CHST12: variants seen among roughly 807,000 people sequenced by gnomAD.
CHST12 encodes the protein carbohydrate (chondroitin 4) sulfotransferase 12.
Under a neutral mutation model 27.9 loss-of-function variants are expected in CHST12, and 23 were observed. That is an observed-to-expected ratio of 0.82 (90% CI 0.59 to 1.17). The LOEUF is 1.17. CHST12 is among the 50% of genes most tolerant of loss of function. The probability of loss-of-function intolerance (pLI) is 0.00; values close to 1 mark genes in which losing one functional copy is unlikely to be tolerated. For synonymous variants in CHST12, 322 were observed against 273.0 expected, an observed-to-expected ratio of 1.18 and a Z score of -1.77; for missense variants, 682 against 603.0, an observed-to-expected ratio of 1.13 and a Z score of -1.37.
intron 1 of CHST12, among the ~76,000 whole-genome samples, chr7:2,415,356 ACT>A (rs1366836972): frequency 1.4e-5 from 2 of 146,696 alleles, no homozygotes; most frequent in East Asian, 2.0e-4. Context: ...CAACAGCGAA[ACT>A]CTGCCTCAAA....
chr7:2,433,218 T>TGCGCCCTACCGCGACCCGCTGC lies in CHST12; in HGVS notation c.582_603dup (p.Ile202AlafsTer200). On this transcript the variant is annotated frameshift_variant, in exon 2 of 2. Coordinates refer to ENST00000618655, the MANE Select transcript of CHST12 (RefSeq NM_018641.5). LOFTEE classifies it high-confidence loss of function. This position sits in a 1 kb window ranked among gnomAD's most constrained non-coding sequence, Gnocchi z 6.1. ...TGAGCGGAAGCCTGCTGCACCGCGG[T>TGCGCCCTACCGCGACCCGCTGC]GCGCCCTACCGCGACCCGCTGCGCA... 1 of 1,612,496 alleles carries TGCGCCCTACCGCGACCCGCTGC rather than the reference T, an allele frequency of 6.2e-7. No homozygotes were observed. Among genetic ancestry groups the TGCGCCCTACCGCGACCCGCTGC allele is most frequent in the Non-Finnish European group, 8.5e-7 (1 of 1,179,442 alleles).
At position 2,436,704 on chromosome 7, in the gene CHST12, C is replaced by T. The variant is rs1217952026; in HGVS notation, c.*2820C>T. ...AGGATGTTCAGACGAATGTCAGAACCCACTGGGCGGTTCACTCACTGAGGG... is the reference window on the plus strand; with the variant it reads ...AGGATGTTCAGACGAATGTCAGAACTCACTGGGCGGTTCACTCACTGAGGG... On this transcript the variant is annotated 3_prime_UTR_variant, in exon 2 of 2. Coordinates refer to ENST00000618655, the MANE Select transcript of CHST12 (RefSeq NM_018641.5). The T allele has an allele frequency of 1.3e-5, 2 of 152,258 alleles. No individual in the cohort carries two copies. Among genetic ancestry groups the T allele is most frequent in the Non-Finnish European group, 2.9e-5 (2 of 68,062 alleles). 9.4% of individuals were successfully genotyped at this position (152,258 alleles called of 1,614,324 possible). A position where few individuals can be genotyped will look rare whatever the true frequency, so the allele number is the denominator to read the frequency against.
At position 2,416,858 on chromosome 7, in the gene CHST12, G is replaced by A. The variant is rs139093748; in HGVS notation, c.-78+13185G>A. 3.4e-4 allele frequency among the ~76,000 whole-genome samples: 52 copies of A among 152,272 alleles called. No homozygotes were observed. The East Asian group carries it at 9.8e-3, about 29-fold the overall frequency. The stretch of plus-strand genomic sequence containing the variant: ...CTACATTTTACATGTGAAAAGAAGG[G>A]AGTGGGGCAGAGTCACATACGCCTT... On this transcript the variant is annotated intron_variant, in intron 1 of 1. Coordinates refer to ENST00000618655, the MANE Select transcript of CHST12 (RefSeq NM_018641.5).
At chr7:2,405,969 C>T (rs537430436) in intron 1 of CHST12, among the ~76,000 whole-genome samples, 60 of 152,188 alleles carry the variant, frequency 3.9e-4, no homozygotes, top group African/African-American at 1.2e-3. Flanking sequence ...TGACCTTGGG[C>T]GTGCAGTTCC....
intron 1 of CHST12, among the ~76,000 whole-genome samples, chr7:2,406,659 G>C (rs1781534871): frequency 6.6e-6 from 1 of 152,098 alleles, no homozygotes; most frequent in Non-Finnish European, 1.5e-5. Context: ...AATCTGAGTA[G>C]CCCAAGAGAA....
chr7:2,430,604 C>A (rs1210605183), intron 1 of CHST12, among the ~76,000 whole-genome samples: 2 of 152,212 alleles, frequency 1.3e-5, no homozygotes, highest in Admixed American at 1.3e-4. Context: ...AGGCATAAGC[C>A]ACCATGCCCA....
chr7:2,415,530 G>C (rs1266752569), intron 1 of CHST12, among the ~76,000 whole-genome samples: 1 of 152,084 alleles, frequency 6.6e-6, no homozygotes, highest in East Asian at 1.9e-4. Flanking sequence ...GCTGGTGGAG[G>C]GTCTTGTCTT....
rs1314807914 is a variant in CHST12 at position 2,434,845 on chromosome 7, T to G, written c.*961T>G. On this transcript the variant is annotated 3_prime_UTR_variant, in exon 2 of 2. Transcript: ENST00000618655. ...GCTCATGCCTGCAATCCTGGCACTT[T>G]GGGAGGCTGAGGGGGGAAGATCACT... 2.0e-5 allele frequency: 3 copies of G among 152,142 alleles called. No individual in the cohort carries two copies. Among genetic ancestry groups the G allele is most frequent in the Admixed American group, 6.6e-5 (1 of 15,246 alleles). 9.4% of individuals were successfully genotyped at this position (152,142 alleles called of 1,614,324 possible). A position where few individuals can be genotyped will look rare whatever the true frequency, so the allele number is the denominator to read the frequency against.
In CHST12 at chr7:2,439,934, G is replaced by T. The variant is rs1782562189; in HGVS notation, c.*6050G>T. On this transcript the variant is annotated 3_prime_UTR_variant, in exon 2 of 2. Coordinates refer to ENST00000618655, the MANE Select transcript of CHST12 (RefSeq NM_018641.5). Reference sequence around the variant, plus strand: ...GGGGTCTTGCTTTGTCACCCAGGCTGGTCTCAAACTCCTGAGCTCGAGTGC... The same window carrying T: ...GGGGTCTTGCTTTGTCACCCAGGCTTGTCTCAAACTCCTGAGCTCGAGTGC... 1 of 151,890 alleles carries T rather than the reference G, an allele frequency of 6.6e-6. No homozygotes were observed. Among genetic ancestry groups the T allele is most frequent in the Admixed American group, 6.6e-5 (1 of 15,260 alleles). The allele number at this position is 151,890 out of a possible 1,614,324, so 9.4% of individuals were successfully genotyped here.
chr7:2,417,996 C>T (rs1170821624), intron 1 of CHST12, among the ~76,000 whole-genome samples: 2 of 152,238 alleles, frequency 1.3e-5, no homozygotes, highest in Non-Finnish European at 2.9e-5. Context: ...GCAGTGTCTT[C>T]CAGAGCAGGA....
In CHST12 at chr7:2,431,071, G is replaced by C. The variant is rs533966391; in HGVS notation, c.-77-1492G>C. Among the ~76,000 whole-genome samples, 4 of 152,316 alleles carry C rather than the reference G, an allele frequency of 2.6e-5. No homozygotes were observed. The East Asian group carries it at 7.7e-4, about 29-fold the overall frequency. On this transcript the variant is annotated intron_variant, in intron 1 of 1. Coordinates refer to ENST00000618655, the MANE Select transcript of CHST12 (RefSeq NM_018641.5). ...GATTTTCTGCCTCATAGTTTTGTCA[G>C]TTATCAAGAGTGAAGTGTTGAAGTC...
chr7:2,421,272 G>T (rs559857339), intron 1 of CHST12, among the ~76,000 whole-genome samples: 1 of 138,974 alleles, frequency 7.2e-6, no homozygotes, highest in Admixed American at 7.6e-5. Context: ...GTAGAGAAGG[G>T]TCTTGGTATG....
At chr7:2,417,967 A>C (rs1781854183) in intron 1 of CHST12, among the ~76,000 whole-genome samples, 1 of 152,250 alleles carries the variant, frequency 6.6e-6, no homozygotes. Flanking sequence ...GGGGGGCTTA[A>C]TATAGATCTG....
Position 2,437,760 on chromosome 7 carries a change from T to A in CHST12, c.*3876T>A, listed in dbSNP as rs1011900066. 17 of 151,996 alleles carry A rather than the reference T, an allele frequency of 1.1e-4. No individual in the cohort carries two copies. Among genetic ancestry groups the A allele is most frequent in the African/African-American group, 3.9e-4 (16 of 41,322 alleles). The allele number at this position is 151,996 out of a possible 1,614,324, so 9.4% of individuals were successfully genotyped here. ...CACACACACACACACACACACTCTC[T>A]CTCACACACACATCGGGATATTTTT... On this transcript the variant is annotated 3_prime_UTR_variant, in exon 2 of 2. Transcript: ENST00000618655.
chr7:2,433,988 A>G lies in CHST12; in HGVS notation c.*104A>G, dbSNP rs1311796013. ...GCAATCTGGGCTTCTTGTTCACTCC[A>G]CTGCCTCTATCCATTGAGTACTGTA... On this transcript the variant is annotated 3_prime_UTR_variant, in exon 2 of 2. Coordinates refer to ENST00000618655, the MANE Select transcript of CHST12 (RefSeq NM_018641.5). This position sits in a 1 kb window ranked among gnomAD's most constrained non-coding sequence, Gnocchi z 6.1. 6 of 875,766 alleles carry G rather than the reference A, an allele frequency of 6.9e-6. No homozygotes were observed. The East Asian group carries it at 7.3e-5, about 11-fold the overall frequency. 54.2% of individuals were successfully genotyped at this position (875,766 alleles called of 1,614,324 possible).
In CHST12 at chr7:2,433,569, G is replaced by A. The variant is rs1454655848; in HGVS notation, c.930G>A (p.Pro310=). The change falls in exon 2 of 2, where the codon CCG becomes CCA. Residue 310 remains proline (P), a synonymous_variant. Coordinates refer to ENST00000618655, the MANE Select transcript of CHST12 (RefSeq NM_018641.5). This position sits in a 1 kb window ranked among gnomAD's most constrained non-coding sequence, Gnocchi z 6.1. ...ACTTCATCCAGTACCTGCTGGACCCGCACACGGAGAAGCTGGCGCCCTTCA... is the reference window on the plus strand; with the variant it reads ...ACTTCATCCAGTACCTGCTGGACCCACACACGGAGAAGCTGGCGCCCTTCA... ...FANFIQYLLD[P]HTEKLAPFNE... is the part of the protein sequence containing the mutation. The A allele has an allele frequency of 6.2e-7, 1 of 1,613,448 alleles. No homozygotes were observed. The highest frequency in any genetic ancestry group is 8.5e-7 in the Non-Finnish European group (1 of 1,179,964).
chr7:2,438,579 T>A lies in CHST12; in HGVS notation c.*4695T>A, dbSNP rs1782529312. The A allele has an allele frequency of 6.6e-6, 1 of 152,186 alleles. No individual in the cohort carries two copies. The highest frequency in any genetic ancestry group is 1.5e-5 in the Non-Finnish European group (1 of 68,034). The allele number at this position is 152,186 out of a possible 1,614,324, so 9.4% of individuals were successfully genotyped here. On this transcript the variant is annotated 3_prime_UTR_variant, in exon 2 of 2. Transcript: ENST00000618655. ...TGCTCACTTATTTATAAGCCACACA[T>A]CCTCTTCTATCCTACCAAACCTAAG...
At chr7:2,422,243 T>C (rs1781994791) in intron 1 of CHST12, among the ~76,000 whole-genome samples, 1 of 152,038 alleles carries the variant, frequency 6.6e-6, no homozygotes, top group Admixed American at 6.6e-5. Flanking sequence ...TACTTTCTTT[T>C]TCTTTCTTTT....
Position 2,433,404 on chromosome 7 carries a change from C to T in CHST12, c.765C>T (p.Phe255=), listed in dbSNP as rs1271441405. ...CCTTCGTGCGCCTGATCTCCGCCTT[C>T]CGCAGCAAGTTCGAGCTGGAGAACG... ...RDPFVRLISA[F]RSKFELENEE... Residue 255 remains phenylalanine (F), a synonymous_variant, in exon 2 of 2, where the codon TTC becomes TTT. Coordinates refer to ENST00000618655, the MANE Select transcript of CHST12 (RefSeq NM_018641.5). This position sits in a 1 kb window ranked among gnomAD's most constrained non-coding sequence, Gnocchi z 6.1. 1 of 1,609,676 alleles carries T rather than the reference C, an allele frequency of 6.2e-7. No individual in the cohort carries two copies. Among genetic ancestry groups the T allele is most frequent in the Non-Finnish European group, 8.5e-7 (1 of 1,179,918 alleles).
Sources: gnomAD v4.1 joint callset for allele counts (sites outside exome capture counted in the v4.1 genomes callset) on GRCh38, gnomAD v4.1.1 for gene constraint, Gnocchi (gnomAD v3.1) non-coding constraint, MANE v1.5 for transcripts, NCBI Gene and HGNC (gene_info 2026-07-23, HGNC 2026-07-21) for gene names.